KCNJ16: variants seen among roughly 807,000 people sequenced by gnomAD.
KCNJ16 encodes the protein inward rectifier potassium channel 16.
Under a neutral mutation model 18.5 loss-of-function variants are expected in KCNJ16, and 15 were observed. The ratio of observed to expected loss-of-function variants is 0.81; its 90% CI spans 0.54 to 1.25. The LOEUF is 1.25. Among genes scored for constraint, KCNJ16 ranks in the 50% most tolerant of loss-of-function variants. The probability of loss-of-function intolerance (pLI) is 0.00; values close to 1 mark genes in which losing one functional copy is unlikely to be tolerated. For synonymous variants in KCNJ16, 174 were observed against 186.5 expected (o/e 0.93, Z 0.55); for missense variants, 523 against 525.7 (o/e 0.99, Z 0.05).
At chr17:70,076,685 C>T (rs1480454648) in intron 1 of KCNJ16, among the ~76,000 whole-genome samples, 2 of 151,978 alleles carry the variant, frequency 1.3e-5, no homozygotes. Context: ...CAAGAGTCTT[C>T]AAGGATATTG....
At chr17:70,128,404 C>T (rs764352562) in intron 2 of KCNJ16, among the ~76,000 whole-genome samples, 4 of 152,120 alleles carry the variant, frequency 2.6e-5, no homozygotes, top group African/African-American at 9.7e-5. Context: ...GTTACTGACC[C>T]TTCTAACTTC....
At position 70,132,893 on chromosome 17, in the gene KCNJ16, A is replaced by G. The variant is rs759627830; in HGVS notation, c.806A>G (p.Lys269Arg). The G allele has an allele frequency of 2.5e-6, 4 of 1,614,186 alleles. No homozygotes were observed. The South Asian group carries it at 4.4e-5, about 18-fold the overall frequency. Residue 269 changes from lysine (K) to arginine (R), a missense_variant, in exon 4 of 4, where the codon AAA (lysine) becomes AGA (arginine). Physicochemically the swap from Lys to Arg is conservative, Grantham distance 26 (BLOSUM62 2). Transcript: ENST00000392671. ...HESPLYALDR[K>R]AVAKDNFEIL... ...AGCCCTCTGTATGCCCTTGACCGCA[A>G]AGCAGTAGCCAAAGATAACTTTGAG...
chr17:70,110,356 C>A lies in KCNJ16; in HGVS notation c.-191+9590C>A, dbSNP rs191693072. ...AGTGAACAGGACGATTTTCTGTCTA[C>A]CCAGTGAAAACAGCCTTTGGTCCTT... On this transcript the variant is annotated intron_variant, in intron 2 of 3. Coordinates refer to ENST00000392671, the MANE Select transcript of KCNJ16 (RefSeq NM_170741.4). Among the ~76,000 whole-genome samples the A allele has an allele frequency of 3.1e-3, 476 of 152,254 alleles. 1 individual carries two copies. The highest frequency in any genetic ancestry group is 5.2e-3 in the Non-Finnish European group (356 of 68,010).
intron 1 of KCNJ16, among the ~76,000 whole-genome samples, chr17:70,088,392 T>C (rs550244219): frequency 3.9e-5 from 6 of 152,328 alleles, no homozygotes; most frequent in African/African-American, 1.4e-4. Flanking sequence ...GGAGCTCAGA[T>C]GGTAATGCTG....
intron 2 of KCNJ16, chr17:70,128,847 C>T (rs548011228): frequency 6.6e-6 from 1 of 152,386 alleles, no homozygotes; most frequent in Non-Finnish European, 1.5e-5. Context: ...CGCCTGGGTA[C>T]AGACGGGCTG....
rs2074083705 is a variant in KCNJ16, at chr17:70,132,292, A to G, written c.205A>G (p.Lys69Glu). 6.2e-7 allele frequency: 1 copy of G among 1,614,198 alleles called. No individual in the cohort carries two copies. Among genetic ancestry groups the G allele is most frequent in the Non-Finnish European group, 8.5e-7 (1 of 1,180,006 alleles). The part of the protein sequence containing the change: ...VDIFTTLVDT[K>E]WRHMFVIFSL... ...CATCTTCACCACTCTTGTGGACACC[A>G]AGTGGCGCCATATGTTTGTGATATT... Residue 69 changes from lysine to glutamate, a missense_variant, in exon 4 of 4, where the codon AAG becomes GAG. Physicochemically the swap from Lys to Glu is moderately conservative, Grantham distance 56. Coordinates refer to ENST00000392671, the MANE Select transcript of KCNJ16 (RefSeq NM_170741.4).
chr17:70,103,766 T>C (rs1004641544), intron 2 of KCNJ16, among the ~76,000 whole-genome samples: 11 of 152,070 alleles, frequency 7.2e-5, no homozygotes, highest in Middle Eastern at 3.2e-3. Context: ...TATTGTCTCC[T>C]TGACATGTTC....
At chr17:70,099,604 T>C (rs1298065983) in intron 1 of KCNJ16, among the ~76,000 whole-genome samples, 2 of 152,084 alleles carry the variant, frequency 1.3e-5, no homozygotes, top group Admixed American at 6.6e-5. Flanking sequence ...GGGCAATAAA[T>C]GCTTGGGTGT....
At chr17:70,103,212 G>C (rs2072728781) in intron 2 of KCNJ16, among the ~76,000 whole-genome samples, 1 of 139,602 alleles carries the variant, frequency 7.2e-6, no homozygotes, top group Admixed American at 7.2e-5. Flanking sequence ...ATATATTTTT[G>C]TGTATATATA....
intron 1 of KCNJ16, among the ~76,000 whole-genome samples, chr17:70,088,676 T>A (rs2043516235): frequency 6.6e-6 from 1 of 152,166 alleles, no homozygotes; most frequent in East Asian, 1.9e-4. Context: ...TGGTACACTT[T>A]GGCTATATTC....
intron 1 of KCNJ16, 27 bp from the exon 2 acceptor site, chr17:70,100,631 T>C (rs1350656715): frequency 6.6e-6 from 1 of 152,218 alleles, no homozygotes; most frequent in Non-Finnish European, 1.5e-5. Context: ...TAAGAGCTAA[T>C]ATATTTCTAT....
chr17:70,121,240 T>C (rs1464513501), intron 2 of KCNJ16, among the ~76,000 whole-genome samples: 1 of 152,208 alleles, frequency 6.6e-6, no homozygotes, highest in African/African-American at 2.4e-5. Flanking sequence ...GCATCTGTTG[T>C]CCCACAGAAA....
At chr17:70,107,351 G>C (rs773305389) in intron 2 of KCNJ16, among the ~76,000 whole-genome samples, 3 of 152,134 alleles carry the variant, frequency 2.0e-5, no homozygotes, top group Non-Finnish European at 4.4e-5. Context: ...CAAAACCTGA[G>C]CTTGGGTCAC....
intron 1 of KCNJ16, among the ~76,000 whole-genome samples, chr17:70,086,532 A>G (rs1173963899): frequency 6.6e-6 from 1 of 152,224 alleles, no homozygotes; most frequent in Non-Finnish European, 1.5e-5. Flanking sequence ...TTTTACAAAA[A>G]TGGTTATTTA....
At chr17:70,111,575 G>C (rs983928632) in intron 2 of KCNJ16, among the ~76,000 whole-genome samples, 2 of 152,040 alleles carry the variant, frequency 1.3e-5, no homozygotes, top group African/African-American at 4.8e-5. Context: ...TTGGGGAAAG[G>C]AATGGGGTAC....
chr17:70,085,577 T>C (rs117813308), intron 1 of KCNJ16, among the ~76,000 whole-genome samples: 3 of 152,306 alleles, frequency 2.0e-5, no homozygotes, highest in South Asian at 2.1e-4. Context: ...ACATACCCAC[T>C]AGTCAAGACA....
At position 70,130,951 on chromosome 17, in the gene KCNJ16, T is replaced by A; in HGVS notation, c.-118T>A. 2 of 1,535,110 alleles carry A rather than the reference T, an allele frequency of 1.3e-6. No individual in the cohort carries two copies. Among genetic ancestry groups the A allele is most frequent in the South Asian group, 1.2e-5 (1 of 84,020 alleles). ...ACTTGAGCTGGGAAATCCTTTGGCC[T>A]ATTATACCATGGATGCTAAAAATGG... On this transcript the variant is annotated 5_prime_UTR_variant, in exon 3 of 4. Coordinates refer to ENST00000392671, the MANE Select transcript of KCNJ16 (RefSeq NM_170741.4).
At chr17:70,101,739 C>T (rs1365299020) in intron 2 of KCNJ16, 2 of 152,128 alleles carry the variant, frequency 1.3e-5, no homozygotes, top group Non-Finnish European at 2.9e-5. Flanking sequence ...GCTACCAATA[C>T]TTGCAGATTT....
chr17:70,095,696 T>A (rs1317546806), intron 1 of KCNJ16, among the ~76,000 whole-genome samples: 2 of 151,986 alleles, frequency 1.3e-5, no homozygotes, highest in African/African-American at 4.8e-5. Flanking sequence ...AGGATCTCTA[T>A]ACAGAATCTT....
Sources: gnomAD v4.1 joint callset for allele counts (sites outside exome capture counted in the v4.1 genomes callset) on GRCh38, gnomAD v4.1.1 for gene constraint, MANE v1.5 for transcripts, NCBI Gene and HGNC (gene_info 2026-07-23, HGNC 2026-07-21) for gene names.